The following CCDC102B variants were observed in gnomAD, a reference collection of about 807,000 sequenced individuals.
The protein encoded by CCDC102B is coiled-coil domain containing 102B, also known as coiled-coil domain-containing protein 102B.
CCDC102B carries 75 observed loss-of-function variants against 57.4 expected under a neutral mutation model. The observed-to-expected ratio is 1.31, with a 90% CI of 1.08 to 1.58. The LOEUF is 1.58. Among genes scored for constraint, CCDC102B ranks in the 40% most tolerant of loss-of-function variants. The pLI, the probability that CCDC102B is intolerant of heterozygous loss-of-function variation, is 0.00. For missense variants in CCDC102B, 636 were observed against 582.6 expected (o/e 1.09, Z -0.94); for synonymous variants, 206 against 201.9 (o/e 1.02, Z -0.17).
intron 2 of CCDC102B, among the ~76,000 whole-genome samples, chr18:68,768,178 T>G (rs1230475971): frequency 6.6e-6 from 1 of 152,160 alleles, no homozygotes; most frequent in Non-Finnish European, 1.5e-5. Flanking sequence ...AAGTTATTGA[T>G]TCCCTGTTGC....
chr18:69,043,517 C>A (rs550780439), intron 7 of CCDC102B, among the ~76,000 whole-genome samples: 1 of 152,024 alleles, frequency 6.6e-6, no homozygotes, highest in Admixed American at 6.6e-5. Flanking sequence ...GAGGTCCCTG[C>A]GGCCTTCCTC....
At chr18:68,921,006 G>C (rs563723791) in intron 6 of CCDC102B, among the ~76,000 whole-genome samples, 3 of 152,102 alleles carry the variant, frequency 2.0e-5, no homozygotes, top group Non-Finnish European at 4.4e-5. Context: ...GTGGCATAAG[G>C]GCTCCAAATG....
intron 4 of CCDC102B, among the ~76,000 whole-genome samples, chr18:68,860,279 A>T (rs2038674428): frequency 1.9e-5 from 1 of 53,280 alleles, no homozygotes; most frequent in South Asian, 7.2e-4. Flanking sequence ...AGGAAGGGGA[A>T]TATCACACTC....
intron 2 of CCDC102B, among the ~76,000 whole-genome samples, chr18:68,740,797 A>G (rs1013880144): frequency 3.3e-5 from 5 of 152,176 alleles, no homozygotes; most frequent in Non-Finnish European, 7.4e-5. Context: ...ATTTAAGTAT[A>G]TATACTATGA....
chr18:68,971,918 C>A (rs2050310906), intron 6 of CCDC102B, among the ~76,000 whole-genome samples: 1 of 151,646 alleles, frequency 6.6e-6, no homozygotes. Context: ...TCTTCTCTTC[C>A]TTTCCTTCAC....
chr18:68,883,435 A>C (rs1168201652), intron 5 of CCDC102B, among the ~76,000 whole-genome samples: 2 of 152,148 alleles, frequency 1.3e-5, no homozygotes, highest in Admixed American at 1.3e-4. Flanking sequence ...TATATGTATA[A>C]AAAGAAACAA....
chr18:68,842,508 A>T (rs1283478188), intron 3 of CCDC102B, among the ~76,000 whole-genome samples: 1 of 152,162 alleles, frequency 6.6e-6, no homozygotes, highest in Non-Finnish European at 1.5e-5. Context: ...CTTTGCAATG[A>T]GGGTACAGAC....
At chr18:68,724,438 C>T (rs917525948) in intron 2 of CCDC102B, among the ~76,000 whole-genome samples, 5 of 152,146 alleles carry the variant, frequency 3.3e-5, no homozygotes, top group African/African-American at 1.2e-4. Context: ...ATTTTATGCT[C>T]TGCTTCCTCT....
intron 7 of CCDC102B, among the ~76,000 whole-genome samples, chr18:69,021,981 T>A (rs1208546258): frequency 1.3e-5 from 2 of 152,160 alleles, no homozygotes; most frequent in African/African-American, 4.8e-5. Context: ...GTTCTGCTCC[T>A]CTTCATAACT....
chr18:68,791,755 T>C (rs1291926629), intron 2 of CCDC102B, among the ~76,000 whole-genome samples: 1 of 151,986 alleles, frequency 6.6e-6, no homozygotes, highest in Non-Finnish European at 1.5e-5. Flanking sequence ...CATATATATA[T>C]TTATATATGA....
chr18:68,752,427 A>G (rs1309551802), intron 2 of CCDC102B, among the ~76,000 whole-genome samples: 1 of 151,358 alleles, frequency 6.6e-6, no homozygotes, highest in Non-Finnish European at 1.5e-5. Context: ...GGAAGGGAAA[A>G]GGGGAAAAAA....
At chr18:69,056,487 G>A (rs1370038786), downstream of CCDC102B, among the ~76,000 whole-genome samples, 1 of 151,936 alleles carries the variant, frequency 6.6e-6, no homozygotes, top group Non-Finnish European at 1.5e-5. Flanking sequence ...GTGAATTTGA[G>A]CTTTACCCTG....
chr18:68,992,292 C>A (rs1273609531), intron 6 of CCDC102B, among the ~76,000 whole-genome samples: 1 of 152,018 alleles, frequency 6.6e-6, no homozygotes, highest in Non-Finnish European at 1.5e-5. Flanking sequence ...TGGTTATCAG[C>A]CACCATCTTT....
chr18:68,889,312 G>A (rs1441215491), intron 5 of CCDC102B, among the ~76,000 whole-genome samples: 1 of 152,160 alleles, frequency 6.6e-6, no homozygotes, highest in East Asian at 1.9e-4. Flanking sequence ...GACACATGGA[G>A]AATACATCTG....
intron 2 of CCDC102B, among the ~76,000 whole-genome samples, chr18:68,726,692 G>A (rs2032610943): frequency 6.6e-6 from 1 of 152,120 alleles, no homozygotes; most frequent in Non-Finnish European, 1.5e-5. Context: ...TTTGCCTCAA[G>A]GATTCTTGAA....
chr18:68,861,718 A>G (rs7229218), intron 4 of CCDC102B, among the ~76,000 whole-genome samples: 54,717 of 151,970 alleles, frequency 0.36, 10,473 homozygotes, highest in East Asian at 0.62. Context: ...ACAAGTATGC[A>G]CTGGTCACCA....
At chr18:68,828,620 A>G (rs1041370176) in intron 1 of CCDC102B, among the ~76,000 whole-genome samples, 11 of 151,716 alleles carry the variant, frequency 7.3e-5, no homozygotes, top group African/African-American at 2.7e-4. Flanking sequence ...AAATTCTTAC[A>G]TTAGAAGTAA....
chr18:68,954,051 A>G (rs1347127630), intron 6 of CCDC102B, among the ~76,000 whole-genome samples: 3 of 152,166 alleles, frequency 2.0e-5, no homozygotes, highest in Non-Finnish European at 4.4e-5. Context: ...AGTTTACTAG[A>G]TAATAGTTTT....
chr18:68,989,957 G>A (rs2145320275), intron 6 of CCDC102B, among the ~76,000 whole-genome samples: 1 of 152,250 alleles, frequency 6.6e-6, no homozygotes, highest in South Asian at 2.1e-4. Context: ...TTTGAGTGGA[G>A]TTGGTTATTT....
Sources: gnomAD v4.1 joint callset for allele counts (sites outside exome capture counted in the v4.1 genomes callset) on GRCh38, gnomAD v4.1.1 for gene constraint, MANE v1.5 for transcripts, NCBI Gene and HGNC (gene_info 2026-07-23, HGNC 2026-07-21) for gene names.